UNC80: variants seen among roughly 807,000 people sequenced by gnomAD.
UNC80 encodes protein unc-80 homolog.
Under a neutral mutation model 384.6 loss-of-function variants are expected in UNC80, and 164 were observed. The observed-to-expected ratio is 0.43, with a 90% CI of 0.38 to 0.49. UNC80 has a LOEUF of 0.49. Among genes scored for constraint, UNC80 ranks in the 20% least tolerant of loss-of-function variants. The pLI is 0.00. For synonymous variants in UNC80, 1,486 were observed against 1,527.8 expected (o/e 0.97, Z 0.64); for missense variants, 3,330 against 4,143.0 (o/e 0.80, Z 5.39).
chr2:209,790,076 G>A (rs2077700765), intron 6 of UNC80, among the ~76,000 whole-genome samples: 1 of 152,048 alleles, frequency 6.6e-6, no homozygotes, highest in African/African-American at 2.4e-5. Context: ...GGAATCTAAA[G>A]TTTAATGAGG....
chr2:209,837,189 A>T (rs1209392533), intron 18 of UNC80, among the ~76,000 whole-genome samples: 1 of 151,598 alleles, frequency 6.6e-6, no homozygotes, highest in Non-Finnish European at 1.5e-5. Flanking sequence ...ATCTGTAGAA[A>T]ATAATTGCTT....
At chr2:209,795,092 C>T in intron 7 of UNC80, 2 of 188,704 alleles carry the variant, frequency 1.1e-5, no homozygotes, top group Non-Finnish European at 2.2e-5. Context: ...AATGGCTTTG[C>T]CCAAAATGCT....
Position 209,931,045 on chromosome 2 carries a change from CA to C in UNC80, c.5987del (p.Asn1996ThrfsTer4). On this transcript the variant is annotated frameshift_variant, in exon 38 of 65. Transcript: ENST00000673920. LOFTEE classifies it high-confidence loss of function. Reference protein sequence around the residue: ...FPAQTSHILFNYLVGLIMYFV... With the variant: ...FPAQTSHILFXYLVGLIMYFV... ...CTGCTCAGACATCTCACATCCTATT[CA>C]ACTATTTGGTGAGTTATAAATGTTC... 1 of 1,548,410 alleles carries C rather than the reference CA, an allele frequency of 6.5e-7. No homozygotes were observed. Among genetic ancestry groups the C allele is most frequent in the Non-Finnish European group, 8.7e-7 (1 of 1,144,740 alleles).
At chr2:209,905,286 G>A (rs1407868157) in intron 29 of UNC80, among the ~76,000 whole-genome samples, 2 of 152,156 alleles carry the variant, frequency 1.3e-5, no homozygotes, top group Admixed American at 6.5e-5. Context: ...CTAATCTCTG[G>A]AAATTGTGAA....
At position 209,969,805 on chromosome 2, in the gene UNC80, G is replaced by GA; in HGVS notation, c.8046dup (p.Gly2683ArgfsTer19). The GA allele has an allele frequency of 6.4e-7, 1 of 1,551,688 alleles. No homozygotes were observed. The highest frequency in any genetic ancestry group is 8.7e-7 in the Non-Finnish European group (1 of 1,146,988). On this transcript the variant is annotated frameshift_variant, in exon 53 of 65. Transcript: ENST00000673920. LOFTEE classifies it high-confidence loss of function. ...GTGGGAGCCTGCCAGCAATTTGATT[G>GA]AAGGGGTTTGTTTGACACTTCAGAG...
intron 47 of UNC80, among the ~76,000 whole-genome samples, chr2:209,953,188 C>G (rs772511250): frequency 6.6e-6 from 1 of 151,846 alleles, no homozygotes; most frequent in Non-Finnish European, 1.5e-5. Context: ...GAGGCTGAGG[C>G]GGGAAGATTG....
intron 18 of UNC80, among the ~76,000 whole-genome samples, chr2:209,836,292 C>G (rs1360957831): frequency 1.3e-5 from 2 of 152,028 alleles, no homozygotes; most frequent in Non-Finnish European, 2.9e-5. Flanking sequence ...TGTGACTAGC[C>G]ATGAGACTAG....
Position 209,970,903 on chromosome 2 carries a change from AC to A in UNC80, c.8204del (p.Pro2735HisfsTer13). On this transcript the variant is annotated frameshift_variant, in exon 54 of 65. Coordinates refer to ENST00000673920, the MANE Select transcript of UNC80 (RefSeq NM_001371986.1). LOFTEE classifies it high-confidence loss of function. ...TTCTTCATCTCAGCCCTTATCTCTC[AC>A]CACCTCTGCCCTTCAGCACAGCTGT... ...PLLHLSPYLS[P>X]PLPFSTAVVR... 6.4e-7 allele frequency: 1 copy of A among 1,551,764 alleles called. No individual in the cohort carries two copies. Among genetic ancestry groups the A allele is most frequent in the Non-Finnish European group, 8.7e-7 (1 of 1,147,008 alleles).
At chr2:209,960,559 C>A (rs2092558803) in intron 51 of UNC80, among the ~76,000 whole-genome samples, 2 of 152,236 alleles carry the variant, frequency 1.3e-5, no homozygotes, top group Admixed American at 1.3e-4. Flanking sequence ...GAGTTAGGTT[C>A]AGCCACTTCC....
chr2:209,904,724 C>T lies in UNC80; in HGVS notation c.4582-41C>T, dbSNP rs1356233433. ...ATAGATATGTTCAGTTTATCTGTACCCTGGTTGCCTGGCTGAGTCTCAGGA... is the reference window on the plus strand; with the variant it reads ...ATAGATATGTTCAGTTTATCTGTACTCTGGTTGCCTGGCTGAGTCTCAGGA... On this transcript the variant is annotated intron_variant, in intron 28 of 64. Transcript: ENST00000673920. 6.5e-6 allele frequency: 10 copies of T among 1,527,362 alleles called. No homozygotes were observed. The East Asian group carries it at 2.2e-4, about 34-fold the overall frequency. The allele number at this position is 1,527,362 out of a possible 1,614,324, so 94.6% of individuals were successfully genotyped here.
chr2:209,933,884 C>T lies in UNC80; in HGVS notation c.6057C>T (p.Ala2019=), dbSNP rs1435019207. ...AGTGGGGGATGGATGCCATTTCAGCCACCCTGACATTCCTGTGGGAGGTGG... is the reference window on the plus strand; with the variant it reads ...AGTGGGGGATGGATGCCATTTCAGCTACCCTGACATTCCTGTGGGAGGTGG... The part of the protein sequence containing the change: ...PCEWGMDAIS[A]TLTFLWEVVG... The change falls in exon 39 of 65, where the codon GCC becomes GCT. Residue 2019 remains alanine, a synonymous_variant. Coordinates refer to ENST00000673920, the MANE Select transcript of UNC80 (RefSeq NM_001371986.1). 2 of 1,551,240 alleles carry T rather than the reference C, an allele frequency of 1.3e-6. No individual in the cohort carries two copies. The highest frequency in any genetic ancestry group is 1.7e-6 in the Non-Finnish European group (2 of 1,146,852).
intron 22 of UNC80, among the ~76,000 whole-genome samples, chr2:209,854,648 C>T (rs1180214429): frequency 6.6e-6 from 1 of 151,670 alleles, no homozygotes; most frequent in Non-Finnish European, 1.5e-5. Flanking sequence ...ATGAATGAAC[C>T]CTTCTCAAAA....
chr2:209,936,398 C>A (rs551605257), intron 40 of UNC80, among the ~76,000 whole-genome samples: 1 of 152,164 alleles, frequency 6.6e-6, no homozygotes, highest in Admixed American at 6.5e-5. Context: ...ATAATGTGCA[C>A]AGTGCATGAT....
At chr2:209,972,058 G>C (rs2092901654) in intron 54 of UNC80, 143 bp from the exon 55 acceptor site, 1 of 939,102 alleles carries the variant, frequency 1.1e-6, no homozygotes, top group Admixed American at 3.6e-5. Flanking sequence ...AGTGAAGCTT[G>C]TATGCTGTAC....
At chr2:209,946,019 G>C in intron 47 of UNC80, 76 bp downstream of exon 47, 1 of 1,067,500 alleles carries the variant, frequency 9.4e-7, no homozygotes, top group Admixed American at 2.2e-5. Flanking sequence ...GAATACAAAG[G>C]TTATGCTGAT....
chr2:209,954,951 G>C (rs2092342876), intron 48 of UNC80, among the ~76,000 whole-genome samples: 1 of 152,172 alleles, frequency 6.6e-6, no homozygotes, highest in South Asian at 2.1e-4. Flanking sequence ...AAGCTGCCAT[G>C]TGGCAGGAAA....
chr2:209,842,255 G>C, intron 20 of UNC80, 95 bp from the exon 21 acceptor site: 1 of 915,756 alleles, frequency 1.1e-6, no homozygotes, highest in Non-Finnish European at 1.6e-6. Context: ...ATGAAAATGA[G>C]TAAACAACTC....
Position 209,939,552 on chromosome 2 carries a change from A to G in UNC80, c.6546A>G (p.Lys2182=), listed in dbSNP as rs1167155849. Residue 2182 remains lysine, a synonymous_variant, in exon 43 of 65, where the codon AAA becomes AAG. Coordinates refer to ENST00000673920, the MANE Select transcript of UNC80 (RefSeq NM_001371986.1). ...CCCAGAAGATCCCCACAGCCCACAA[A>G]CAGTCCCACGTCTCCATGCTTCAGG... The part of the protein sequence containing the change: ...SLTQKIPTAH[K]QSHVSMLQED... 3.9e-6 allele frequency: 6 copies of G among 1,551,696 alleles called. No homozygotes were observed. The African/African-American group carries it at 6.8e-5, about 18-fold the overall frequency.
At chr2:209,951,903 C>T (rs540351269) in intron 47 of UNC80, among the ~76,000 whole-genome samples, 1 of 152,214 alleles carries the variant, frequency 6.6e-6, no homozygotes, top group Admixed American at 6.5e-5. Context: ...TATCATTTCT[C>T]CCCTCTGTTC....
Sources: gnomAD v4.1 joint callset for allele counts (sites outside exome capture counted in the v4.1 genomes callset) on GRCh38, gnomAD v4.1.1 for gene constraint, MANE v1.5 for transcripts, NCBI Gene and HGNC (gene_info 2026-07-23, HGNC 2026-07-21) for gene names.